The following SLC39A11 variants were observed in gnomAD, a reference collection of about 807,000 sequenced individuals.
SLC39A11 encodes solute carrier family 39 member 11, also known as zinc transporter ZIP11.
A neutral mutation model predicts 36.1 loss-of-function variants in SLC39A11; 33 were observed. The observed-to-expected ratio is 0.91, with a 90% CI of 0.69 to 1.22. SLC39A11 has a LOEUF of 1.22. SLC39A11 is among the 50% of genes most tolerant of loss of function. The pLI, the probability that SLC39A11 is intolerant of heterozygous loss-of-function variation, is 0.00. For synonymous variants in SLC39A11, 166 were observed against 170.3 expected, an observed-to-expected ratio of 0.97 and a Z score of 0.20; for missense variants, 432 against 430.3, an observed-to-expected ratio of 1.00 and a Z score of -0.03.
intron 6 of SLC39A11, among the ~76,000 whole-genome samples, chr17:72,776,989 G>A (rs958064474): frequency 3.3e-5 from 5 of 152,052 alleles, no homozygotes; most frequent in African/African-American, 9.7e-5. Context: ...TCATAAGAGG[G>A]GGCCATATGA....
intron 6 of SLC39A11, among the ~76,000 whole-genome samples, chr17:72,820,151 G>A (rs531252050): frequency 6.6e-6 from 1 of 151,410 alleles, no homozygotes; most frequent in Non-Finnish European, 1.5e-5. Context: ...TGGGTGATGT[G>A]ACCTATGGAC....
intron 4 of SLC39A11, among the ~76,000 whole-genome samples, chr17:72,954,451 G>A (rs373232953): frequency 2.6e-5 from 4 of 152,220 alleles, no homozygotes; most frequent in East Asian, 1.9e-4. Flanking sequence ...ATCTCAAGAG[G>A]AGCCACCCAA....
chr17:72,860,011 AGAGGG>A (rs79153544), intron 5 of SLC39A11, among the ~76,000 whole-genome samples: 35,044 of 84,914 alleles, frequency 0.41, 8,517 homozygotes, highest in East Asian at 0.7. Flanking sequence ...CTAGACGAGG[AGAGGG>A]GAGGGGAGGG....
intron 7 of SLC39A11, among the ~76,000 whole-genome samples, chr17:72,720,996 C>T (rs77445925): frequency 0.018 from 2,774 of 152,118 alleles, 66 homozygotes; most frequent in African/African-American, 0.056. Context: ...TCCTGCCTGG[C>T]CAGGTCGCCT....
At chr17:72,773,095 A>C (rs1171243925) in intron 6 of SLC39A11, among the ~76,000 whole-genome samples, 1 of 152,216 alleles carries the variant, frequency 6.6e-6, no homozygotes, top group African/African-American at 2.4e-5. Flanking sequence ...TCAAAAAAGA[A>C]AAAAGAAAGA....
At chr17:72,758,775 T>C in intron 6 of SLC39A11, among the ~76,000 whole-genome samples, 1 of 152,320 alleles carries the variant, frequency 6.6e-6, no homozygotes, top group East Asian at 1.9e-4. Context: ...TCCCCACCTG[T>C]GGAAGCCACA....
chr17:72,718,210 G>C (rs1463445345), intron 7 of SLC39A11, among the ~76,000 whole-genome samples: 1 of 152,178 alleles, frequency 6.6e-6, no homozygotes, highest in African/African-American at 2.4e-5. Flanking sequence ...CATTTGGGGA[G>C]GCTGAGGCGG....
chr17:72,831,471 C>T (rs1381721393), intron 6 of SLC39A11, among the ~76,000 whole-genome samples: 1 of 152,156 alleles, frequency 6.6e-6, no homozygotes, highest in African/African-American at 2.4e-5. Context: ...GAGGGTGGAG[C>T]TGGAATTATT....
chr17:72,975,137 G>C (rs2087751410), intron 4 of SLC39A11, among the ~76,000 whole-genome samples: 1 of 152,166 alleles, frequency 6.6e-6, no homozygotes, highest in South Asian at 2.1e-4. Context: ...TCCAGGGTTA[G>C]TGCCCTTATA....
chr17:72,813,080 G>C (rs771826755), intron 6 of SLC39A11, among the ~76,000 whole-genome samples: 12 of 152,214 alleles, frequency 7.9e-5, no homozygotes, highest in Non-Finnish European at 2.9e-5. Context: ...TCAGCTCTTT[G>C]AAGAGACTGC....
intron 4 of SLC39A11, among the ~76,000 whole-genome samples, chr17:72,982,463 C>T (rs2088398583): frequency 6.6e-6 from 1 of 152,144 alleles, no homozygotes; most frequent in Admixed American, 6.5e-5. Context: ...TAATTTCAAG[C>T]AAATAAATGT....
intron 1 of SLC39A11, among the ~76,000 whole-genome samples, chr17:73,090,966 C>A (rs149854500): frequency 6.6e-6 from 1 of 152,278 alleles, no homozygotes; most frequent in Non-Finnish European, 1.5e-5. Context: ...TTTAAATCCT[C>A]GCTACAAGGG....
intron 7 of SLC39A11, among the ~76,000 whole-genome samples, chr17:72,713,867 A>G (rs2073218504): frequency 6.6e-6 from 1 of 152,120 alleles, no homozygotes; most frequent in African/African-American, 2.4e-5. Flanking sequence ...CAACACTTTG[A>G]CCCTGGAGCC....
intron 5 of SLC39A11, among the ~76,000 whole-genome samples, chr17:72,854,939 A>G (rs1299122751): frequency 6.6e-6 from 1 of 152,200 alleles, no homozygotes; most frequent in Non-Finnish European, 1.5e-5. Context: ...ACAAAACATC[A>G]TAGGATGGAG....
chr17:72,856,174 C>A (rs567082217), intron 5 of SLC39A11, among the ~76,000 whole-genome samples: 1 of 152,168 alleles, frequency 6.6e-6, no homozygotes, highest in Non-Finnish European at 1.5e-5. Flanking sequence ...AAGGCTGTGT[C>A]ACTTACCCAT....
intron 5 of SLC39A11, among the ~76,000 whole-genome samples, chr17:72,922,120 T>G (rs1188457700): frequency 6.6e-6 from 1 of 152,124 alleles, no homozygotes; most frequent in East Asian, 1.9e-4. Flanking sequence ...CGGCAGACCT[T>G]ATAACGAAGT....
At chr17:73,054,018 T>TG (rs1187924052) in intron 3 of SLC39A11, among the ~76,000 whole-genome samples, 4 of 152,116 alleles carry the variant, frequency 2.6e-5, no homozygotes, top group Admixed American at 2.0e-4. Flanking sequence ...TCAGCACACA[T>TG]GGGGGGTCTG....
chr17:72,798,837 ATT>A (rs2145193120), intron 6 of SLC39A11, among the ~76,000 whole-genome samples: 1 of 152,206 alleles, frequency 6.6e-6, no homozygotes, highest in Admixed American at 6.5e-5. Context: ...GGACACAAGC[ATT>A]CAGTCCAGAG....
chr17:72,890,043 T>C (rs1235289380), intron 5 of SLC39A11, among the ~76,000 whole-genome samples: 2 of 151,942 alleles, frequency 1.3e-5, no homozygotes, highest in Non-Finnish European at 2.9e-5. Context: ...GCAGATCTCT[T>C]GAGATCAGGA....
Sources: gnomAD v4.1 joint callset for allele counts (sites outside exome capture counted in the v4.1 genomes callset) on GRCh38, gnomAD v4.1.1 for gene constraint, MANE v1.5 for transcripts, NCBI Gene and HGNC (gene_info 2026-07-23, HGNC 2026-07-21) for gene names.